The following SHISA9 variants were observed in gnomAD, a reference collection of about 807,000 sequenced individuals.
The protein encoded by SHISA9 is protein shisa-9.
Under a neutral mutation model 38.0 loss-of-function variants are expected in SHISA9, and 13 were observed. The observed-to-expected ratio is 0.34, with a 90% confidence interval of 0.22 to 0.54. SHISA9 has a LOEUF of 0.54. SHISA9 is among the 20% of genes least tolerant of loss of function. The pLI is 0.91. For synonymous variants in SHISA9, 275 were observed against 242.0 expected (o/e 1.14, Z -1.27); for missense variants, 538 against 575.8 (o/e 0.93, Z 0.67).
chr16:13,221,750 A>G (rs975436133), intron 4 of SHISA9, among the ~76,000 whole-genome samples: 13 of 152,168 alleles, frequency 8.5e-5, no homozygotes, highest in African/African-American at 3.1e-4. Context: ...TCCTCATCCC[A>G]GAAAGAAACT....
intron 2 of SHISA9, among the ~76,000 whole-genome samples, chr16:12,997,785 C>T (rs11643641): frequency 0.015 from 2,249 of 152,218 alleles, 30 homozygotes; most frequent in South Asian, 0.039. Flanking sequence ...TGCCAAATAT[C>T]CTTCATGGTG....
chr16:13,155,614 A>G (rs1451567522), intron 2 of SHISA9, among the ~76,000 whole-genome samples: 1 of 152,002 alleles, frequency 6.6e-6, no homozygotes, highest in African/African-American at 2.4e-5. Flanking sequence ...GTCTGTGTGC[A>G]TACGTACATA....
At chr16:13,250,631 C>G in the SHISA9 span, among the ~76,000 whole-genome samples, 2 of 152,274 alleles carry the variant, frequency 1.3e-5, 1 homozygote, top group South Asian at 4.2e-4. Context: ...GTGTCTTACT[C>G]TGGGAATGGC....
intron 2 of SHISA9, among the ~76,000 whole-genome samples, chr16:12,954,079 C>T (rs2071796738): frequency 6.6e-6 from 1 of 152,068 alleles, no homozygotes; most frequent in Non-Finnish European, 1.5e-5. Flanking sequence ...ACAGCCAAGT[C>T]CACTCAGCAG....
the SHISA9 span, among the ~76,000 whole-genome samples, chr16:13,255,260 C>G: frequency 6.6e-6 from 1 of 151,990 alleles, no homozygotes; most frequent in Non-Finnish European, 1.5e-5. Context: ...CTCTCTCTCC[C>G]TCTCTCATTC....
chr16:13,373,146 GT>G, the SHISA9 span, among the ~76,000 whole-genome samples: 1 of 152,054 alleles, frequency 6.6e-6, no homozygotes, highest in East Asian at 1.9e-4. Flanking sequence ...TGGTTTATTA[GT>G]TGCTCCCCTG....
downstream of SHISA9, among the ~76,000 whole-genome samples, chr16:13,244,834 G>T (rs535330683): frequency 2.0e-5 from 3 of 152,204 alleles, no homozygotes; most frequent in Non-Finnish European, 4.4e-5. Flanking sequence ...CTACATTTGC[G>T]ATGTGATACG....
At chr16:12,991,771 C>T (rs2072389340) in intron 2 of SHISA9, among the ~76,000 whole-genome samples, 2 of 152,034 alleles carry the variant, frequency 1.3e-5, no homozygotes, top group East Asian at 1.9e-4. Context: ...CCTGTGTGTT[C>T]AAAAGCATCC....
intron 2 of SHISA9, among the ~76,000 whole-genome samples, chr16:13,096,950 A>G (rs1446584861): frequency 1.3e-5 from 2 of 151,924 alleles, no homozygotes; most frequent in East Asian, 3.9e-4. Context: ...CTATATTCCT[A>G]CTGGGCTCCA....
intron 2 of SHISA9, among the ~76,000 whole-genome samples, chr16:13,145,008 G>C (rs2141999356): frequency 6.6e-6 from 1 of 152,320 alleles, no homozygotes; most frequent in East Asian, 1.9e-4. Flanking sequence ...CTTAATTAGT[G>C]TCATGATTTT....
intron 2 of SHISA9, among the ~76,000 whole-genome samples, chr16:13,104,718 A>C (rs1244897195): frequency 6.6e-6 from 1 of 151,678 alleles, no homozygotes; most frequent in Non-Finnish European, 1.5e-5. Context: ...GATTAACAGC[A>C]AATGATCATG....
chr16:12,959,194 C>T (rs1233433017), intron 2 of SHISA9, among the ~76,000 whole-genome samples: 1 of 152,158 alleles, frequency 6.6e-6, no homozygotes, highest in Admixed American at 6.5e-5. Flanking sequence ...ATAGATGCTC[C>T]ATAAATATTT....
At chr16:13,364,977 A>G in the SHISA9 span, among the ~76,000 whole-genome samples, 1 of 152,190 alleles carries the variant, frequency 6.6e-6, no homozygotes, top group East Asian at 1.9e-4. Flanking sequence ...AGGAGAGCCT[A>G]TGAAGCTGAG....
At chr16:13,283,054 G>T in the SHISA9 span, among the ~76,000 whole-genome samples, 1 of 152,072 alleles carries the variant, frequency 6.6e-6, no homozygotes, top group East Asian at 1.9e-4. Context: ...CTGTTTACTT[G>T]TATGGCTAGT....
chr16:13,354,507 C>T, the SHISA9 span, among the ~76,000 whole-genome samples: 198 of 150,996 alleles, frequency 1.3e-3, no homozygotes, highest in African/African-American at 4.5e-3. Flanking sequence ...AGAGTGAGTA[C>T]AGCTGAAGGA....
the SHISA9 span, among the ~76,000 whole-genome samples, chr16:13,302,045 G>A: frequency 2.0e-5 from 3 of 152,104 alleles, no homozygotes; most frequent in Non-Finnish European, 4.4e-5. Flanking sequence ...AAAGGATACA[G>A]GGCAGAGACA....
At chr16:13,095,395 G>C (rs536227259) in intron 2 of SHISA9, among the ~76,000 whole-genome samples, 1 of 152,318 alleles carries the variant, frequency 6.6e-6, no homozygotes, top group Admixed American at 6.5e-5. Flanking sequence ...TAACAAAATG[G>C]GGAAGAAGCA....
At chr16:13,457,270 C>T in the SHISA9 span, among the ~76,000 whole-genome samples, 3 of 152,052 alleles carry the variant, frequency 2.0e-5, no homozygotes, top group African/African-American at 7.2e-5. Flanking sequence ...CGCACCATTG[C>T]ACTCCAGCCT....
chr16:13,331,016 A>G, the SHISA9 span, among the ~76,000 whole-genome samples: 1 of 152,214 alleles, frequency 6.6e-6, no homozygotes, highest in Non-Finnish European at 1.5e-5. Context: ...TGAGATGACC[A>G]GTTGCCACCT....
Sources: gnomAD v4.1 joint callset for allele counts (sites outside exome capture counted in the v4.1 genomes callset) on GRCh38, gnomAD v4.1.1 for gene constraint, MANE v1.5 for transcripts, NCBI Gene and HGNC (gene_info 2026-07-23, HGNC 2026-07-21) for gene names.